Variants in SLC68A1 observed in about 807,000 individuals in gnomAD.
SLC68A1 encodes the protein solute carrier family 68 member 1.
the SLC68A1 span, chr10:102,469,155 C>G: frequency 6.2e-7 from 1 of 1,614,104 alleles, no homozygotes; most frequent in East Asian, 2.2e-5. Context: ...ACACCTTTGT[C>G]TCAGTGTACA....
At chr10:102,474,891 A>T in the SLC68A1 span, among the ~76,000 whole-genome samples, 1 of 151,556 alleles carries the variant, frequency 6.6e-6, no homozygotes, top group Admixed American at 6.6e-5. Context: ...CAGGTGATCC[A>T]CCCACCTTGG....
chr10:102,471,363 C>T, the SLC68A1 span: 7 of 1,613,420 alleles, frequency 4.3e-6, no homozygotes, highest in East Asian at 1.3e-4. Flanking sequence ...GCCATCGGAA[C>T]TTCCTGTGGT....
At chr10:102,476,113 AT>A in the SLC68A1 span, 2 of 1,369,370 alleles carry the variant, frequency 1.5e-6, no homozygotes, top group East Asian at 2.7e-5. Flanking sequence ...GCCCAAAAAA[AT>A]GGATCTGTTG....
the SLC68A1 span, chr10:102,473,058 C>A: frequency 4.5e-6 from 4 of 880,708 alleles, no homozygotes; most frequent in East Asian, 7.4e-5. Flanking sequence ...CATTTCCCGA[C>A]CCAGTGATCC....
chr10:102,471,126 C>T, the SLC68A1 span: 1 of 1,608,538 alleles, frequency 6.2e-7, no homozygotes, highest in Non-Finnish European at 8.5e-7. Flanking sequence ...GGGTGAGTGG[C>T]CAGCCCCGGC....
At chr10:102,463,976 G>A in the SLC68A1 span, among the ~76,000 whole-genome samples, 1 of 152,212 alleles carries the variant, frequency 6.6e-6, no homozygotes, top group African/African-American at 2.4e-5. Flanking sequence ...AAGGCATAAA[G>A]CTTGGGTGCT....
the SLC68A1 span, among the ~76,000 whole-genome samples, chr10:102,464,080 A>G: frequency 6.6e-6 from 1 of 152,146 alleles, no homozygotes. Context: ...TTCTGGCCCC[A>G]AGTAATCCTT....
the SLC68A1 span, among the ~76,000 whole-genome samples, chr10:102,470,246 G>A: frequency 2.2e-3 from 332 of 152,266 alleles, 1 homozygote; most frequent in African/African-American, 7.2e-3. Flanking sequence ...TTGGAGAGGT[G>A]GCCTTGGACG....
the SLC68A1 span, chr10:102,476,075 G>GTT: frequency 0.064 from 68,192 of 1,070,182 alleles, 29 homozygotes; most frequent in Non-Finnish European, 0.068. Flanking sequence ...GGATTTCATA[G>GTT]TTTTTTTTTT....
the SLC68A1 span, among the ~76,000 whole-genome samples, chr10:102,466,749 G>A: frequency 1.3e-5 from 2 of 152,310 alleles, no homozygotes; most frequent in Admixed American, 6.5e-5. Context: ...CAGCAACAAG[G>A]ACAAATCACT....
the SLC68A1 span, chr10:102,473,593 C>A: frequency 6.2e-7 from 1 of 1,611,582 alleles, no homozygotes; most frequent in Non-Finnish European, 8.5e-7. Context: ...CGCTCCCCAT[C>A]TCAACAACCT....
At chr10:102,471,665 A>G in the SLC68A1 span, among the ~76,000 whole-genome samples, 9 of 152,128 alleles carry the variant, frequency 5.9e-5, no homozygotes, top group Non-Finnish European at 2.9e-5. Context: ...AGGCTGAGGC[A>G]GGAGAATCAC....
chr10:102,469,259 C>A, the SLC68A1 span: 2 of 1,572,130 alleles, frequency 1.3e-6, no homozygotes, highest in Non-Finnish European at 8.7e-7. Context: ...AGAGGCTGCC[C>A]AGGCTGCTGG....
the SLC68A1 span, chr10:102,465,880 C>CTGTT: frequency 6.6e-6 from 1 of 152,412 alleles, no homozygotes; most frequent in East Asian, 1.9e-4. Context: ...TCCAGGATGG[C>CTGTT]TGTTTACCTG....
At chr10:102,469,257 C>T in the SLC68A1 span, 2 of 1,572,674 alleles carry the variant, frequency 1.3e-6, no homozygotes, top group Middle Eastern at 1.7e-4. Flanking sequence ...CTAGAGGCTG[C>T]CCAGGCTGCT....
At chr10:102,475,439 T>TG in the SLC68A1 span, among the ~76,000 whole-genome samples, 8 of 152,168 alleles carry the variant, frequency 5.3e-5, no homozygotes, top group African/African-American at 1.9e-4. Flanking sequence ...GGATACGTTT[T>TG]GGAGTTGGGG....
At chr10:102,469,597 A>G in the SLC68A1 span, among the ~76,000 whole-genome samples, 1 of 144,702 alleles carries the variant, frequency 6.9e-6, no homozygotes, top group Non-Finnish European at 1.5e-5. Context: ...CACAGGCTGG[A>G]GTGCAATGGC....
the SLC68A1 span, among the ~76,000 whole-genome samples, chr10:102,464,521 G>A: frequency 2.0e-5 from 3 of 151,952 alleles, no homozygotes; most frequent in Non-Finnish European, 4.4e-5. Context: ...GCCGGGCGCA[G>A]TGGCTCATGC....
chr10:102,461,416 A>C, the SLC68A1 span: 1 of 152,380 alleles, frequency 6.6e-6, no homozygotes, highest in African/African-American at 2.4e-5. Context: ...GGCTCCCGCC[A>C]GCCGTGGGAT....
Sources: gnomAD v4.1 joint callset for allele counts (sites outside exome capture counted in the v4.1 genomes callset) on GRCh38, gnomAD v4.1.1 for gene constraint, MANE v1.5 for transcripts, NCBI Gene and HGNC (gene_info 2026-07-23, HGNC 2026-07-21) for gene names.